Variants in SLC37A1 observed in about 807,000 individuals in gnomAD.
SLC37A1 encodes the protein glucose-6-phosphate exchanger SLC37A1.
In SLC37A1, 49 loss-of-function variants were observed where a neutral mutation model predicts 75.3. That is an observed-to-expected ratio of 0.65 (90% CI 0.52 to 0.83). The LOEUF (loss-of-function observed/expected upper bound fraction) is 0.83. Among genes scored for constraint, SLC37A1 ranks in the 40% least tolerant of loss-of-function variants. The pLI is 0.00. For synonymous variants in SLC37A1, 268 were observed against 292.1 expected (o/e 0.92, Z 0.84); for missense variants, 566 against 695.0 (o/e 0.81, Z 2.09).
chr21:42,568,589 C>A, intron 17 of SLC37A1, 151 bp downstream of exon 17: 1 of 751,662 alleles, frequency 1.3e-6, no homozygotes, highest in Non-Finnish European at 2.3e-6. Context: ...CAGGGGACAT[C>A]GGCACACAGA....
chr21:42,530,654 A>ACACCCCCCCCC (rs1161313598), intron 3 of SLC37A1, among the ~76,000 whole-genome samples: 2 of 35,892 alleles, frequency 5.6e-5, no homozygotes, highest in East Asian at 4.5e-4. Flanking sequence ...ACACACACAC[A>ACACCCCCCCCC]CCCCCTCTGT....
At chr21:42,508,989 C>T (rs2054410053), upstream of SLC37A1, among the ~76,000 whole-genome samples, 1 of 152,134 alleles carries the variant, frequency 6.6e-6, no homozygotes, top group Non-Finnish European at 1.5e-5. Flanking sequence ...AAAATTCTAC[C>T]ACTAAAATGC....
chr21:42,571,946 C>T (rs755690824), intron 17 of SLC37A1, among the ~76,000 whole-genome samples: 18 of 152,244 alleles, frequency 1.2e-4, no homozygotes, highest in African/African-American at 2.9e-4. Flanking sequence ...CCTGTCACCA[C>T]GGTGCTGGGA....
chr21:42,567,971 G>A (rs1037445662), intron 16 of SLC37A1, among the ~76,000 whole-genome samples: 1 of 152,372 alleles, frequency 6.6e-6, no homozygotes. Context: ...CCTGGCTGTC[G>A]AGGAATCCAG....
At chr21:42,568,748 A>G (rs1472364931) in intron 17 of SLC37A1, among the ~76,000 whole-genome samples, 4 of 152,244 alleles carry the variant, frequency 2.6e-5, no homozygotes, top group Non-Finnish European at 5.9e-5. Flanking sequence ...ATCTCAAGAA[A>G]GGCAGAATCT....
At chr21:42,527,629 AG>A (rs958550047) in intron 3 of SLC37A1, among the ~76,000 whole-genome samples, 1 of 152,258 alleles carries the variant, frequency 6.6e-6, no homozygotes, top group African/African-American at 2.4e-5. Flanking sequence ...TTCGTTCCCC[AG>A]GCAGGGCTGC....
chr21:42,565,186 G>C (rs2055944708), intron 14 of SLC37A1, among the ~76,000 whole-genome samples: 1 of 152,282 alleles, frequency 6.6e-6, no homozygotes, highest in Non-Finnish European at 1.5e-5. Context: ...ACCTTGGGCT[G>C]TGACACCCCC....
chr21:42,506,674 A>G (rs1166326212), intron 2 of SLC37A1, among the ~76,000 whole-genome samples: 1 of 152,168 alleles, frequency 6.6e-6, no homozygotes, highest in African/African-American at 2.4e-5. Flanking sequence ...ACAGAATCAC[A>G]CTAGGAAAAC....
At chr21:42,523,346 C>T (rs2054699962) in intron 2 of SLC37A1, among the ~76,000 whole-genome samples, 1 of 152,236 alleles carries the variant, frequency 6.6e-6, no homozygotes, top group African/African-American at 2.4e-5. Context: ...ATCAGCCTTA[C>T]TTGCCCTAGT....
intron 3 of SLC37A1, among the ~76,000 whole-genome samples, chr21:42,526,603 G>A (rs2282555): frequency 0.053 from 8,120 of 152,260 alleles, 313 homozygotes; most frequent in South Asian, 0.14. Context: ...CACTCCTGCC[G>A]GTGGCTGAGC....
At chr21:42,564,828 T>C in intron 14 of SLC37A1, 35 bp downstream of exon 14, 1 of 1,584,278 alleles carries the variant, frequency 6.3e-7, no homozygotes, top group African/African-American at 1.3e-5. Flanking sequence ...CCCCAAAGCC[T>C]GCAGACAGTC....
chr21:42,530,907 C>T (rs1601690840), intron 3 of SLC37A1, among the ~76,000 whole-genome samples: 1 of 152,294 alleles, frequency 6.6e-6, no homozygotes, highest in South Asian at 2.1e-4. Context: ...CTTCTGTCTG[C>T]GAAGTGGCTC....
In SLC37A1 at chr21:42,564,727, G is replaced by T. The variant is rs772334214; in HGVS notation, c.1155G>T (p.Val385=). The T allele has an allele frequency of 6.8e-6, 11 of 1,611,020 alleles. No homozygotes were observed. In the Admixed American group the frequency reaches 1.0e-4, roughly 15 times the overall value. ...TTGCAGGTGGGATCCTGGCAGGTGT[G>T]ATCTCAGACCGACTGGAGAAAAGGG... The part of the protein sequence containing the change: ...GGIFGGILAG[V]ISDRLEKRAS... Residue 385 remains valine, a synonymous_variant, in exon 14 of 20, where the codon GTG becomes GTT. Transcript: ENST00000352133.
rs2055332542 is a variant in SLC37A1 at position 42,543,489 on chromosome 21, T to C, written c.617T>C (p.Leu206Ser). ...WNSHTSVGNI[L>S]GSLIAGYWVS... ...TCCCACACCTCCGTGGGCAACATCT[T>C]GGGGTCATTGATCGCTGGCTACTGG... The change falls in exon 8 of 20, where the codon TTG becomes TCG. Residue 206 changes from leucine to serine, a missense_variant. Coordinates refer to ENST00000352133, the MANE Select transcript of SLC37A1 (RefSeq NM_001320537.2). 6.2e-7 allele frequency: 1 copy of C among 1,614,188 alleles called. No homozygotes were observed. Among genetic ancestry groups the C allele is most frequent in the Non-Finnish European group, 8.5e-7 (1 of 1,180,014 alleles).
intron 2 of SLC37A1, among the ~76,000 whole-genome samples, chr21:42,507,510 G>A (rs984024158): frequency 4.6e-5 from 7 of 152,162 alleles, no homozygotes; most frequent in African/African-American, 1.4e-4. Flanking sequence ...TAGGCAACCC[G>A]GGAAAGAGTA....
intron 4 of SLC37A1, 131 bp from the exon 5 acceptor site, chr21:42,535,341 A>T (rs755060558): frequency 1.4e-6 from 1 of 726,968 alleles, no homozygotes; most frequent in East Asian, 2.5e-5. Flanking sequence ...CTTGTTTTCT[A>T]TGTGGAAAAC....
intron 2 of SLC37A1, among the ~76,000 whole-genome samples, chr21:42,520,590 G>A (rs1241259292): frequency 6.6e-6 from 1 of 152,168 alleles, no homozygotes; most frequent in Non-Finnish European, 1.5e-5. Flanking sequence ...TGGAATGAAA[G>A]TTCTCGGGAT....
At chr21:42,543,319 G>GC in intron 7 of SLC37A1, 117 bp from the exon 8 acceptor site, 2 of 1,150,182 alleles carry the variant, frequency 1.7e-6, no homozygotes, top group Middle Eastern at 2.7e-4. Flanking sequence ...GGTCTGCATG[G>GC]CCCCCCGTTG....
intron 10 of SLC37A1, among the ~76,000 whole-genome samples, chr21:42,555,817 G>T (rs955856939): frequency 2.0e-5 from 3 of 152,200 alleles, no homozygotes; most frequent in African/African-American, 7.2e-5. Context: ...GTAAGTAAAG[G>T]CACTGGCAGG....
Sources: gnomAD v4.1 joint callset for allele counts (sites outside exome capture counted in the v4.1 genomes callset) on GRCh38, gnomAD v4.1.1 for gene constraint, MANE v1.5 for transcripts, NCBI Gene and HGNC (gene_info 2026-07-23, HGNC 2026-07-21) for gene names.